The following ANO2 variants were observed in gnomAD, a reference collection of about 807,000 sequenced individuals.
ANO2 encodes the protein anoctamin 2, also known as anoctamin-2.
Under a neutral mutation model 124.2 loss-of-function variants are expected in ANO2, and 101 were observed. The observed-to-expected ratio is 0.81, with a 90% CI of 0.69 to 0.96. The LOEUF (loss-of-function observed/expected upper bound fraction) is 0.96. ANO2 is among the 40% of genes least tolerant of loss of function. The probability of loss-of-function intolerance (pLI) is 0.00; values close to 1 mark genes in which losing one functional copy is unlikely to be tolerated. For synonymous variants in ANO2, 486 were observed against 482.5 expected, an observed-to-expected ratio of 1.01 and a Z score of -0.09; for missense variants, 1,293 against 1,274.5, an observed-to-expected ratio of 1.01 and a Z score of -0.22.
At position 5,812,517 on chromosome 12, in the gene ANO2, G is replaced by A. The variant is rs1225243608; in HGVS notation, c.893-5149C>T. ...GGAAGAAAGGGAGGGAGGGAAGGAG[G>A]AAGGGAGGGAGGGAGGGCAGGCAGG... On this transcript the variant is annotated intron_variant, in intron 7 of 24. Transcript: ENST00000682330. 4.2e-5 allele frequency among the ~76,000 whole-genome samples: 3 copies of A among 70,930 alleles called. No individual in the cohort carries two copies. In the East Asian group the frequency reaches 1.5e-3, roughly 36 times the overall value. The allele number at this position is 70,930 out of a possible 152,430, so 46.5% of individuals were successfully genotyped here.
chr12:5,854,417 A>AC (rs1241098211), intron 3 of ANO2, among the ~76,000 whole-genome samples: 1 of 151,526 alleles, frequency 6.6e-6, no homozygotes, highest in Admixed American at 6.6e-5. Context: ...AAAAAAAAAA[A>AC]AAACAAGTTA....
intron 1 of ANO2, among the ~76,000 whole-genome samples, chr12:5,930,367 G>C (rs1466844785): frequency 6.6e-6 from 1 of 152,138 alleles, no homozygotes; most frequent in Non-Finnish European, 1.5e-5. Context: ...GCTGTGCTTG[G>C]AGCCTGGCAT....
At chr12:5,606,622 G>A (rs1944233180) in intron 19 of ANO2, among the ~76,000 whole-genome samples, 1 of 152,284 alleles carries the variant, frequency 6.6e-6, no homozygotes, top group Non-Finnish European at 1.5e-5. Context: ...GCAAATAGCT[G>A]TTTGCATAGG....
intron 7 of ANO2, among the ~76,000 whole-genome samples, chr12:5,822,647 G>A (rs751342571): frequency 5.9e-5 from 9 of 152,170 alleles, no homozygotes; most frequent in Non-Finnish European, 1.3e-4. Flanking sequence ...CATGATGGCA[G>A]GTTGATTATT....
chr12:5,638,650 A>G (rs1488649080), intron 15 of ANO2, among the ~76,000 whole-genome samples: 1 of 151,828 alleles, frequency 6.6e-6, no homozygotes, highest in Non-Finnish European at 1.5e-5. Context: ...CTAGGTCAAA[A>G]GGAGGTTTGT....
chr12:5,732,785 A>G (rs1477847340), intron 13 of ANO2, 155 bp from the exon 14 acceptor site: 2 of 1,589,384 alleles, frequency 1.3e-6, no homozygotes, highest in Non-Finnish European at 1.7e-6. Flanking sequence ...AGGCATCTAG[A>G]CATCACATCC....
rs189154480 is a variant in ANO2, at chr12:5,766,140, C to T, written c.1056-15170G>A. Among the ~76,000 whole-genome samples the T allele has an allele frequency of 3.3e-5, 5 of 152,282 alleles. No individual in the cohort carries two copies. In the East Asian group the frequency reaches 7.7e-4, roughly 24 times the overall value. On this transcript the variant is annotated intron_variant, in intron 10 of 24. Transcript: ENST00000682330. ...AGGTACAGGTATTTTGGAAAAACTG[C>T]TTGTGGCATCTGCTAGAGCTGAGCA...
rs1175769686 is a variant in ANO2 at position 5,832,434 on chromosome 12, A to C, written c.785+18T>G. ...CTATCCCTTCCCACATCTCTGCTCC[A>C]GCAGCTTCAATACTCACAGGTACAT... On this transcript the variant is annotated intron_variant, in intron 5 of 24. Coordinates refer to ENST00000682330, the MANE Select transcript of ANO2 (RefSeq NM_001364791.2). 6.2e-7 allele frequency: 1 copy of C among 1,613,624 alleles called. No homozygotes were observed. The highest frequency in any genetic ancestry group is 2.2e-5 in the East Asian group (1 of 44,888).
At chr12:5,745,478 A>T (rs1186629444) in intron 11 of ANO2, among the ~76,000 whole-genome samples, 1 of 152,224 alleles carries the variant, frequency 6.6e-6, no homozygotes, top group Non-Finnish European at 1.5e-5. Context: ...CATGGCTCAC[A>T]AGTGGGAGCC....
At chr12:5,610,983 T>TTTTTTTTTGCTTTTTTTTTG (rs1555100751) in intron 19 of ANO2, among the ~76,000 whole-genome samples, 6 of 121,726 alleles carry the variant, frequency 4.9e-5, no homozygotes, top group South Asian at 2.5e-4. Flanking sequence ...TTTTTTTTTT[T>TTTTTTTTTGCTTTTTTTTTG]TTTTTTGAGA....
rs1381322217 is a variant in ANO2, at chr12:5,715,887, C to T, written c.1545+16633G>A. Among the ~76,000 whole-genome samples the T allele has an allele frequency of 3.9e-5, 6 of 152,204 alleles. No homozygotes were observed. In the East Asian group the frequency reaches 5.8e-4, roughly 15 times the overall value. ...AGAAAAACATAAGCACAAGTATGTT[C>T]GTGACATGTTTAACCATTGGGTAAG... On this transcript the variant is annotated intron_variant, in intron 14 of 24. Coordinates refer to ENST00000682330, the MANE Select transcript of ANO2 (RefSeq NM_001364791.2).
intron 10 of ANO2, among the ~76,000 whole-genome samples, chr12:5,776,001 G>T (rs1204375549): frequency 6.6e-6 from 1 of 152,172 alleles, no homozygotes; most frequent in African/African-American, 2.4e-5. Context: ...TGAGGGTGAA[G>T]ATCTAGGCCT....
At chr12:5,732,883 G>C (rs766869728) in intron 13 of ANO2, 2 of 1,613,834 alleles carry the variant, frequency 1.2e-6, no homozygotes, top group Non-Finnish European at 1.7e-6. Flanking sequence ...CGTTCCTGGG[G>C]ATAGCGCCGG....
chr12:5,849,373 A>G (rs1954793443), intron 4 of ANO2, among the ~76,000 whole-genome samples: 1 of 152,246 alleles, frequency 6.6e-6, no homozygotes, highest in African/African-American at 2.4e-5. Flanking sequence ...GTTCATTCAT[A>G]TATACAAAAA....
In ANO2 at chr12:5,768,076, C is replaced by T. The variant is rs147086310; in HGVS notation, c.1056-17106G>A. Among the ~76,000 whole-genome samples the T allele has an allele frequency of 3.3e-5, 5 of 152,296 alleles. No individual in the cohort carries two copies. The East Asian group carries it at 9.7e-4, about 29-fold the overall frequency. ...ACTATCTGGGCAGTGCCAAGGCACC[C>T]TAACATCGTGCCAGACACTGGGCTT... On this transcript the variant is annotated intron_variant, in intron 10 of 24. Transcript: ENST00000682330.
In ANO2 at chr12:5,787,617, A is replaced by T. The variant is rs192198951; in HGVS notation, c.1055+11890T>A. On this transcript the variant is annotated intron_variant, in intron 10 of 24. Coordinates refer to ENST00000682330, the MANE Select transcript of ANO2 (RefSeq NM_001364791.2). The surrounding 1 kb of genome is among the most constrained non-coding windows in gnomAD (Gnocchi z 4.2). ...TGAGTTAGCAAATGCCAAGGGGTAG[A>T]ACAGTGCCTGCCACACAGCAAACAT... Among the ~76,000 whole-genome samples the T allele has an allele frequency of 6.6e-6, 1 of 152,316 alleles. No individual in the cohort carries two copies. Among genetic ancestry groups the T allele is most frequent in the Non-Finnish European group, 1.5e-5 (1 of 68,030 alleles).
chr12:5,640,780 C>G (rs562367787), intron 15 of ANO2, among the ~76,000 whole-genome samples: 2 of 152,116 alleles, frequency 1.3e-5, no homozygotes, highest in African/African-American at 4.8e-5. Flanking sequence ...TTGGTGGGAG[C>G]GTGAACTAGT....
intron 14 of ANO2, among the ~76,000 whole-genome samples, chr12:5,689,151 A>G (rs970225383): frequency 3.3e-5 from 5 of 152,216 alleles, no homozygotes; most frequent in African/African-American, 9.6e-5. Context: ...TAAGGAAACC[A>G]AAGTGGGAAT....
At chr12:5,850,415 CAAAAAA>C (rs11307572) in intron 4 of ANO2, among the ~76,000 whole-genome samples, 1 of 100,196 alleles carries the variant, frequency 1.0e-5, no homozygotes, top group Non-Finnish European at 2.0e-5. Flanking sequence ...CACTCCATCT[CAAAAAA>C]AAAAAAAAAA....
Sources: gnomAD v4.1 joint callset for allele counts (sites outside exome capture counted in the v4.1 genomes callset) on GRCh38, gnomAD v4.1.1 for gene constraint, Gnocchi (gnomAD v3.1) non-coding constraint, MANE v1.5 for transcripts, NCBI Gene and HGNC (gene_info 2026-07-23, HGNC 2026-07-21) for gene names.